The following EPHB1 variants were observed in gnomAD, a reference collection of about 807,000 sequenced individuals.
The protein encoded by EPHB1 is EPH receptor B1, also known as ephrin type-B receptor 1.
A neutral mutation model predicts 94.4 loss-of-function variants in EPHB1; 30 were observed. The observed-to-expected ratio is 0.32, with a 90% confidence interval of 0.24 to 0.43. The LOEUF is 0.43. EPHB1 is among the 20% of genes least tolerant of loss of function. EPHB1 has a pLI of 1.00. For synonymous variants in EPHB1, 522 were observed against 489.1 expected, an observed-to-expected ratio of 1.07 and a Z score of -0.89; for missense variants, 1,055 against 1,308.3, an observed-to-expected ratio of 0.81 and a Z score of 2.99.
At chr3:135,047,045 G>A (rs1486992686) in intron 3 of EPHB1, among the ~76,000 whole-genome samples, 19 of 152,314 alleles carry the variant, frequency 1.2e-4, no homozygotes, top group South Asian at 2.1e-4. Flanking sequence ...AAGCTGAGGA[G>A]GATAGTGTGT....
At chr3:135,012,440 T>C (rs1009574128) in intron 3 of EPHB1, among the ~76,000 whole-genome samples, 18 of 152,242 alleles carry the variant, frequency 1.2e-4, no homozygotes, top group African/African-American at 4.3e-4. Flanking sequence ...TAGAACATCC[T>C]CCGTCAGTTG....
intron 1 of EPHB1, among the ~76,000 whole-genome samples, chr3:134,909,201 A>T (rs951635215): frequency 6.6e-6 from 1 of 151,984 alleles, no homozygotes; most frequent in African/African-American, 2.4e-5. Flanking sequence ...GCCTCTCATA[A>T]TCTGAAGGGA....
chr3:135,036,783 C>T (rs1401139786), intron 3 of EPHB1, among the ~76,000 whole-genome samples: 1 of 152,112 alleles, frequency 6.6e-6, no homozygotes, highest in Non-Finnish European at 1.5e-5. Flanking sequence ...GGTCAGGAAA[C>T]CCAAATATGG....
intron 15 of EPHB1, 69 bp downstream of exon 15, chr3:135,249,560 T>C (rs372564624): frequency 7.1e-6 from 11 of 1,540,992 alleles, no homozygotes; most frequent in Non-Finnish European, 9.7e-6. Context: ...CTATTGCAGA[T>C]GGTGTGAGTC....
chr3:135,178,029 GT>G (rs1324062358), intron 9 of EPHB1, among the ~76,000 whole-genome samples: 4 of 152,262 alleles, frequency 2.6e-5, no homozygotes, highest in East Asian at 1.9e-4. Flanking sequence ...TCTCAAGTCA[GT>G]GTCCTCCCAA....
chr3:134,848,898 C>T (rs2036924397), intron 1 of EPHB1, among the ~76,000 whole-genome samples: 1 of 152,234 alleles, frequency 6.6e-6, no homozygotes, highest in African/African-American at 2.4e-5. Context: ...TGCCCAAAGG[C>T]CAGGGGCCTC....
intron 12 of EPHB1, among the ~76,000 whole-genome samples, chr3:135,225,515 G>A (rs543397860): frequency 5.3e-5 from 8 of 152,300 alleles, no homozygotes; most frequent in Admixed American, 1.3e-4. Flanking sequence ...TGCGAGGCTC[G>A]CAGTTCATTA....
intron 1 of EPHB1, among the ~76,000 whole-genome samples, chr3:134,893,425 G>A (rs2038026140): frequency 6.6e-6 from 1 of 152,114 alleles, no homozygotes; most frequent in Non-Finnish European, 1.5e-5. Flanking sequence ...ACCTTAATGT[G>A]GCCTGCAAGG....
chr3:134,984,818 G>A (rs1482169978), intron 3 of EPHB1, among the ~76,000 whole-genome samples: 1 of 152,166 alleles, frequency 6.6e-6, no homozygotes, highest in African/African-American at 2.4e-5. Flanking sequence ...GAGGCCTAGC[G>A]AACTGAGTGC....
intron 1 of EPHB1, among the ~76,000 whole-genome samples, chr3:134,841,779 C>G (rs913848795): frequency 6.6e-6 from 1 of 152,192 alleles, no homozygotes; most frequent in African/African-American, 2.4e-5. Context: ...CCTTTCCAGC[C>G]TAAATGAGGG....
intron 1 of EPHB1, among the ~76,000 whole-genome samples, chr3:134,806,855 A>C (rs1560241461): frequency 6.6e-6 from 1 of 152,190 alleles, no homozygotes; most frequent in Non-Finnish European, 1.5e-5. Context: ...ATGTACATAT[A>C]ATTTCAGGAA....
At chr3:134,968,651 T>C (rs1043441817) in intron 3 of EPHB1, among the ~76,000 whole-genome samples, 2 of 152,224 alleles carry the variant, frequency 1.3e-5, no homozygotes, top group African/African-American at 4.8e-5. Flanking sequence ...TTTTGATACA[T>C]GCATAGATTT....
intron 3 of EPHB1, among the ~76,000 whole-genome samples, chr3:135,006,265 T>C (rs1199252417): frequency 6.6e-6 from 1 of 152,196 alleles, no homozygotes; most frequent in Non-Finnish European, 1.5e-5. Flanking sequence ...ATTCCACTTA[T>C]ATGGGGAAGA....
At chr3:134,830,207 G>A (rs1163487026) in intron 1 of EPHB1, among the ~76,000 whole-genome samples, 1 of 152,160 alleles carries the variant, frequency 6.6e-6, no homozygotes, top group African/African-American at 2.4e-5. Flanking sequence ...TTGACAATAA[G>A]TTGCAGACAT....
intron 3 of EPHB1, among the ~76,000 whole-genome samples, chr3:134,977,664 CTT>C (rs1934241336): frequency 6.6e-6 from 1 of 152,120 alleles, no homozygotes; most frequent in Admixed American, 6.5e-5. Flanking sequence ...GAGGGTGCTC[CTT>C]TGTTTTCTGC....
chr3:135,061,753 C>G (rs1937513865), intron 3 of EPHB1, among the ~76,000 whole-genome samples: 1 of 152,144 alleles, frequency 6.6e-6, no homozygotes, highest in African/African-American at 2.4e-5. Context: ...CCCACTCCCC[C>G]CACACCACAA....
chr3:135,044,645 T>C (rs184511775), intron 3 of EPHB1, among the ~76,000 whole-genome samples: 8 of 152,330 alleles, frequency 5.3e-5, no homozygotes, highest in Admixed American at 2.0e-4. Flanking sequence ...GTTGGAAAGA[T>C]TAAACAAGAT....
chr3:134,891,141 C>T (rs187193476), intron 1 of EPHB1, among the ~76,000 whole-genome samples: 163 of 152,238 alleles, frequency 1.1e-3, no homozygotes, highest in Non-Finnish European at 1.4e-3. Context: ...GGTCTTACTG[C>T]GTCACCCAGG....
chr3:135,109,458 T>C (rs1271760792), intron 4 of EPHB1, among the ~76,000 whole-genome samples: 3 of 152,220 alleles, frequency 2.0e-5, no homozygotes, highest in African/African-American at 7.2e-5. Flanking sequence ...CAGTGCCTGG[T>C]TCATAGTAAA....
Sources: allele counts gnomAD v4.1 joint callset (sites outside exome capture counted in the v4.1 genomes callset), GRCh38; gene constraint gnomAD v4.1.1; transcripts MANE v1.5; gene names NCBI Gene and HGNC (gene_info 2026-07-23, HGNC 2026-07-21).